PCDHGA1: variants seen among roughly 807,000 people sequenced by gnomAD.
The protein encoded by PCDHGA1 is protocadherin gamma-A1.
In PCDHGA1, 32 loss-of-function variants were observed where a neutral mutation model predicts 58.0. The observed-to-expected ratio is 0.55, with a 90% CI of 0.42 to 0.74. The LOEUF (loss-of-function observed/expected upper bound fraction) is 0.74. Ranked by LOEUF, PCDHGA1 falls within the 30% of genes least tolerant of loss-of-function variation. PCDHGA1 has a pLI of 0.00. For synonymous variants in PCDHGA1, 498 were observed against 501.1 expected, an observed-to-expected ratio of 0.99 and a Z score of 0.08; for missense variants, 1,205 against 1,182.3, an observed-to-expected ratio of 1.02 and a Z score of -0.28.
intron 1 of PCDHGA1, chr5:141,340,065 T>C (rs776665790): frequency 1.2e-6 from 2 of 1,614,074 alleles, no homozygotes; most frequent in Non-Finnish European, 1.7e-6. Context: ...CCAGGAACCA[T>C]AATTGGGCTT....
Position 141,360,540 on chromosome 5 carries a change from GA to G in PCDHGA1, c.2421+27436del, listed in dbSNP as rs760797244. On this transcript the variant is annotated intron_variant, in intron 1 of 3. Transcript: ENST00000517417. ...ATGATAATACCCCGCTATTCAAACAGACTAAGATTAATTTAAAAATTGGCGA... is the reference window on the plus strand; with the variant it reads ...ATGATAATACCCCGCTATTCAAACAGCTAAGATTAATTTAAAAATTGGCGA... 3.1e-6 allele frequency: 5 copies of G among 1,613,812 alleles called. No homozygotes were observed. In the African/African-American group the frequency reaches 6.7e-5, roughly 22 times the overall value.
chr5:141,478,497 C>A (rs746475685), intron 1 of PCDHGA1: 2 of 1,612,820 alleles, frequency 1.2e-6, no homozygotes, highest in Non-Finnish European at 1.7e-6. Context: ...AGCTGTGATC[C>A]GGTGTTCTAT....
chr5:141,360,963 G>A (rs914860151), intron 1 of PCDHGA1: 8 of 1,613,778 alleles, frequency 5.0e-6, no homozygotes, highest in Non-Finnish European at 6.8e-6. Context: ...TAAACGCAGA[G>A]ATCACCTACT....
At chr5:141,494,902 C>A (rs2099757367) in intron 2 of PCDHGA1, 37 bp downstream of exon 2, 1 of 1,614,024 alleles carries the variant, frequency 6.2e-7, no homozygotes, top group East Asian at 2.2e-5. Context: ...CTCTTCTCTG[C>A]GGCATTTTCT....
chr5:141,360,506 A>C (rs771253042), intron 1 of PCDHGA1: 2 of 1,614,016 alleles, frequency 1.2e-6, no homozygotes, highest in South Asian at 1.1e-5. Flanking sequence ...GTAATTGTGC[A>C]GGATATAAAT....
rs781695042 is a variant in PCDHGA1, at chr5:141,394,424, C to T, written c.2421+61319C>T. 6.2e-6 allele frequency: 10 copies of T among 1,614,104 alleles called. No individual in the cohort carries two copies. The African/African-American group carries it at 8.0e-5, about 13-fold the overall frequency. On this transcript the variant is annotated intron_variant, in intron 1 of 3. Transcript: ENST00000517417. The stretch of plus-strand genomic sequence containing the variant: ...AGCTACTGGTAACAGCCAGCGACAG[C>T]GGGGACCCGCCCCTCAGCAGCAACA...
chr5:141,496,766 CT>C (rs1361332988), intron 2 of PCDHGA1, among the ~76,000 whole-genome samples: 1 of 152,068 alleles, frequency 6.6e-6, no homozygotes, highest in Non-Finnish European at 1.5e-5. Context: ...TATCGAGCAT[CT>C]ACTATGAGCA....
At position 141,352,535 on chromosome 5, in the gene PCDHGA1, A is replaced by G. The variant is rs562907708; in HGVS notation, c.2421+19430A>G. 1.3e-4 allele frequency: 206 copies of G among 1,613,846 alleles called. No individual in the cohort carries two copies. The highest frequency in any genetic ancestry group is 5.3e-4 in the Admixed American group (32 of 59,996). Reference sequence around the variant, plus strand: ...ATGTATTGCCTCTCATTCTGCAAAGACAGAGTTTAATTCTCTCAACCTGAC... The same window carrying G: ...ATGTATTGCCTCTCATTCTGCAAAGGCAGAGTTTAATTCTCTCAACCTGAC... On this transcript the variant is annotated intron_variant, in intron 1 of 3. Transcript: ENST00000517417.
intron 1 of PCDHGA1, chr5:141,430,923 A>C (rs2097325574): frequency 6.2e-7 from 1 of 1,607,168 alleles, no homozygotes; most frequent in African/African-American, 1.3e-5. Context: ...CTGGGGCTGG[A>C]GCCCCGGGAG....
intron 1 of PCDHGA1, chr5:141,374,502 T>C (rs1588742531): frequency 6.2e-7 from 1 of 1,611,402 alleles, no homozygotes; most frequent in East Asian, 2.2e-5. Flanking sequence ...GAATTGGAAG[T>C]GAAAATTCTC....
chr5:141,423,058 A>G (rs1235938743), intron 1 of PCDHGA1: 3 of 1,614,022 alleles, frequency 1.9e-6, no homozygotes, highest in African/African-American at 2.7e-5. Flanking sequence ...TCGCCTGCTT[A>G]AGGCCAGCGA....
intron 1 of PCDHGA1, chr5:141,371,014 A>G (rs765278378): frequency 8.7e-6 from 14 of 1,613,890 alleles, no homozygotes; most frequent in South Asian, 1.1e-5. Flanking sequence ...GAGCAGCCAC[A>G]TCACCACCTG....
intron 1 of PCDHGA1, among the ~76,000 whole-genome samples, chr5:141,373,419 A>G (rs562017784): frequency 6.6e-6 from 1 of 152,336 alleles, no homozygotes; most frequent in African/African-American, 2.4e-5. Flanking sequence ...GCTACTCGGG[A>G]GGCTGAGGTG....
chr5:141,382,962 G>T (rs1259468425), intron 1 of PCDHGA1: 2 of 1,607,858 alleles, frequency 1.2e-6, no homozygotes, highest in Non-Finnish European at 1.7e-6. Flanking sequence ...TCCTCCTGGG[G>T]ACCCCCTGGG....
intron 1 of PCDHGA1, chr5:141,352,065 A>G (rs780687277): frequency 1.2e-6 from 2 of 1,605,760 alleles, no homozygotes; most frequent in Non-Finnish European, 1.7e-6. Context: ...TGGCTGTCCT[A>G]CCACGTGCTG....
Position 141,432,098 on chromosome 5 carries a change from G to C in PCDHGA1, c.2422-62709G>C, listed in dbSNP as rs771050429. The C allele has an allele frequency of 1.9e-6, 3 of 1,613,938 alleles. No homozygotes were observed. The highest frequency in any genetic ancestry group is 1.7e-5 in the Admixed American group (1 of 59,992). On this transcript the variant is annotated intron_variant, in intron 1 of 3. Transcript: ENST00000517417. The surrounding 1 kb of genome is among the most constrained non-coding windows in gnomAD (Gnocchi z 6.0). ...CTCGCTGAACGTGGCAGACACCAAC[G>C]ACAACCCGCCGGTCTTCCCTCAGGC...
chr5:141,339,862 A>G, intron 1 of PCDHGA1: 1 of 1,614,158 alleles, frequency 6.2e-7, no homozygotes, highest in Middle Eastern at 1.6e-4. Flanking sequence ...TTAAGTCAAC[A>G]TCTGGAGAAC....
intron 1 of PCDHGA1, among the ~76,000 whole-genome samples, chr5:141,454,881 C>G (rs2098805859): frequency 7.4e-6 from 1 of 135,536 alleles, no homozygotes; most frequent in African/African-American, 2.8e-5. Flanking sequence ...GATCTTGGCT[C>G]ACTGCTAGCA....
chr5:141,402,839 C>T (rs2094312458), intron 1 of PCDHGA1: 1 of 1,386,198 alleles, frequency 7.2e-7, no homozygotes, highest in Non-Finnish European at 9.5e-7. Context: ...TGCAGCAAAA[C>T]TCAGCCTCTT....
Sources: gnomAD v4.1 joint callset for allele counts (sites outside exome capture counted in the v4.1 genomes callset) on GRCh38, gnomAD v4.1.1 for gene constraint, Gnocchi (gnomAD v3.1) non-coding constraint, MANE v1.5 for transcripts, NCBI Gene and HGNC (gene_info 2026-07-23, HGNC 2026-07-21) for gene names.